Variants in NIPBL observed in about 807,000 individuals in gnomAD.
NIPBL encodes the protein NIPBL cohesin loading factor.
Under a neutral mutation model 321.8 loss-of-function variants are expected in NIPBL, and 19 were observed. The ratio of observed to expected loss-of-function variants is 0.06; its 90% CI spans 0.04 to 0.09. The LOEUF (loss-of-function observed/expected upper bound fraction) is 0.09. NIPBL is among the 10% of genes least tolerant of loss of function. The probability of loss-of-function intolerance (pLI) is 1.00; values close to 1 mark genes in which losing one functional copy is unlikely to be tolerated. For synonymous variants in NIPBL, 1,106 were observed against 1,114.1 expected, an observed-to-expected ratio of 0.99 and a Z score of 0.14; for missense variants, 2,210 against 3,327.0, an observed-to-expected ratio of 0.66 and a Z score of 8.26.
intron 32 of NIPBL, 43 bp from the exon 33 acceptor site, chr5:37,036,336 T>C (rs1751677567): frequency 8.7e-6 from 4 of 461,478 alleles, no homozygotes; most frequent in Non-Finnish European, 1.2e-5. Context: ...TTCTTTTTTG[T>C]ATATATATAT....
rs1255757484 is a variant in NIPBL at position 36,877,148 on chromosome 5, T to G, written c.-110T>G. 3.6e-6 allele frequency: 1 copy of G among 276,818 alleles called. No homozygotes were observed. The highest frequency in any genetic ancestry group is 6.6e-6 in the Non-Finnish European group (1 of 151,644). 17.1% of individuals were successfully genotyped at this position (276,818 alleles called of 1,614,324 possible). A position where few individuals can be genotyped will look rare whatever the true frequency, so the allele number is the denominator to read the frequency against. ...GTCTCTCGCCACAGCGGCCTCGGCC[T>G]CCCCTTGGATTCAGACGCCGATTCG... On this transcript the variant is annotated 5_prime_UTR_variant, in exon 1 of 47. Transcript: ENST00000282516.
At chr5:36,967,630 G>A (rs1742353849) in intron 6 of NIPBL, among the ~76,000 whole-genome samples, 3 of 152,162 alleles carry the variant, frequency 2.0e-5, no homozygotes, top group Non-Finnish European at 4.4e-5. Flanking sequence ...TTCATGTCCT[G>A]TTCCCGAATT....
rs201410435 is a variant in NIPBL at position 36,915,519 on chromosome 5, C to T, written c.-79-38099C>T. Reference sequence around the variant, plus strand: ...GTACAGATTCAACAGTCTGTTATACCCCTGTAATTCCTGATTGGAGTTTTG... The same window carrying T: ...GTACAGATTCAACAGTCTGTTATACTCCTGTAATTCCTGATTGGAGTTTTG... On this transcript the variant is annotated intron_variant, in intron 1 of 46. Coordinates refer to ENST00000282516, the MANE Select transcript of NIPBL (RefSeq NM_133433.4). Among the ~76,000 whole-genome samples the T allele has an allele frequency of 1.4e-4, 21 of 152,080 alleles. No homozygotes were observed. The East Asian group carries it at 3.3e-3, about 24-fold the overall frequency.
intron 42 of NIPBL, among the ~76,000 whole-genome samples, chr5:37,053,260 A>G (rs937880868): frequency 1.3e-5 from 2 of 152,174 alleles, no homozygotes; most frequent in African/African-American, 4.8e-5. Flanking sequence ...AATACTGTAG[A>G]TAACTATAAC....
intron 1 of NIPBL, among the ~76,000 whole-genome samples, chr5:36,923,583 T>C (rs72734688): frequency 0.017 from 2,657 of 152,278 alleles, 33 homozygotes; most frequent in Middle Eastern, 0.044. Flanking sequence ...CTTTGGTTAT[T>C]TACTTTACAA....
chr5:36,886,944 A>G (rs901178670), intron 1 of NIPBL, among the ~76,000 whole-genome samples: 7 of 152,136 alleles, frequency 4.6e-5, no homozygotes, highest in African/African-American at 1.2e-4. Flanking sequence ...TAGTTTGTCA[A>G]TGACTGAAGT....
intron 21 of NIPBL, 59 bp from the exon 22 acceptor site, chr5:37,014,624 G>A (rs1748713112): frequency 1.0e-6 from 1 of 991,866 alleles, no homozygotes; most frequent in Non-Finnish European, 1.6e-6. Context: ...CATGACAATA[G>A]CAACAGGGCT....
Position 37,049,206 on chromosome 5 carries a change from C to T in NIPBL, c.6859C>T (p.Leu2287Phe). The T allele has an allele frequency of 2.5e-6, 4 of 1,614,046 alleles. No homozygotes were observed. The highest frequency in any genetic ancestry group is 3.4e-6 in the Non-Finnish European group (4 of 1,179,924). Residue 2287 changes from leucine (L) to phenylalanine (F), a missense_variant, in exon 40 of 47, where the codon CTT becomes TTT. Coordinates refer to ENST00000282516, the MANE Select transcript of NIPBL (RefSeq NM_133433.4). Reference sequence around the variant, plus strand: ...CATGCAGCTTTATCTCAAACAGGTGCTTGAGGCATTTTTTCACACCCAGTC... The same window carrying T: ...CATGCAGCTTTATCTCAAACAGGTGTTTGAGGCATTTTTTCACACCCAGTC... ...SIMQLYLKQV[L>F]EAFFHTQSSV...
At chr5:36,883,906 A>G (rs1580137437) in intron 1 of NIPBL, among the ~76,000 whole-genome samples, 1 of 151,506 alleles carries the variant, frequency 6.6e-6, no homozygotes, top group South Asian at 2.1e-4. Flanking sequence ...ATTTTTTATT[A>G]ATACTATTCT....
At chr5:36,909,892 G>A (rs1264800802) in intron 1 of NIPBL, among the ~76,000 whole-genome samples, 1 of 152,016 alleles carries the variant, frequency 6.6e-6, no homozygotes, top group African/African-American at 2.4e-5. Flanking sequence ...CCTGGCCAAC[G>A]TGGTGAAACC....
chr5:37,023,232 G>A (rs1749856397), intron 29 of NIPBL, among the ~76,000 whole-genome samples: 1 of 152,118 alleles, frequency 6.6e-6, no homozygotes, highest in Non-Finnish European at 1.5e-5. Context: ...TTCCTTCTTA[G>A]GGCTTCCATC....
At position 37,006,389 on chromosome 5, in the gene NIPBL, G is replaced by C. The variant is rs1390859018; in HGVS notation, c.3888G>C (p.Trp1296Cys). Residue 1296 changes from tryptophan to cysteine, a missense_variant, in exon 17 of 47, where the codon TGG becomes TGC. Coordinates refer to ENST00000282516, the MANE Select transcript of NIPBL (RefSeq NM_133433.4). ...ATACTGAAGAAGAAGAAAGGTTATG[G>C]AGAGACCTTATTATGGAGAGAGTTA... ...NNDTEEEERL[W>C]RDLIMERVTK... is the part of the protein sequence containing the mutation. The C allele has an allele frequency of 6.2e-7, 1 of 1,606,838 alleles. No homozygotes were observed. Among genetic ancestry groups the C allele is most frequent in the Non-Finnish European group, 8.5e-7 (1 of 1,173,754 alleles).
At chr5:36,992,247 A>G (rs866048524) in intron 10 of NIPBL, among the ~76,000 whole-genome samples, 5 of 152,190 alleles carry the variant, frequency 3.3e-5, no homozygotes, top group Admixed American at 6.5e-5. Flanking sequence ...AGTAGTTAGG[A>G]CAAAAGAAAT....
At chr5:36,972,412 C>G (rs924526691) in intron 8 of NIPBL, among the ~76,000 whole-genome samples, 1 of 151,968 alleles carries the variant, frequency 6.6e-6, no homozygotes, top group African/African-American at 2.4e-5. Flanking sequence ...TGTTTTTCTC[C>G]CACTTCTTTC....
chr5:36,890,966 G>T (rs1480802529), intron 1 of NIPBL, among the ~76,000 whole-genome samples: 2 of 152,044 alleles, frequency 1.3e-5, no homozygotes, highest in Non-Finnish European at 2.9e-5. Context: ...ATTGCAGATG[G>T]TGAAATAAAA....
rs1473924179 is a variant in NIPBL at position 37,026,316 on chromosome 5, A to G, written c.5797A>G (p.Ile1933Val). The G allele has an allele frequency of 6.2e-7, 1 of 1,600,766 alleles. No homozygotes were observed. The highest frequency in any genetic ancestry group is 8.6e-7 in the Non-Finnish European group (1 of 1,168,462). ...AGCAATGACAAGGAAAATTTTAAACATTACCGATGTGGTAAGAAGGACTGG... is the reference window on the plus strand; with the variant it reads ...AGCAATGACAAGGAAAATTTTAAACGTTACCGATGTGGTAAGAAGGACTGG... ...KEAMTRKILN[I>V]TDVVAACRDT... Residue 1933 changes from isoleucine (I) to valine (V), a missense_variant, in exon 31 of 47, where the codon ATT (isoleucine) becomes GTT (valine). By Grantham distance (29) the Ile-to-Val change is conservative (BLOSUM62 3). Coordinates refer to ENST00000282516, the MANE Select transcript of NIPBL (RefSeq NM_133433.4).
chr5:37,027,316 T>TTATAAATATACTTCTC, intron 31 of NIPBL, 43 bp from the exon 32 acceptor site: 1 of 1,395,432 alleles, frequency 7.2e-7, no homozygotes, highest in Non-Finnish European at 1.0e-6. Context: ...TTATTCACAT[T>TTATAAATATACTTCTC]TATAAATATA....
chr5:36,920,185 T>C (rs765614724), intron 1 of NIPBL, among the ~76,000 whole-genome samples: 1 of 152,194 alleles, frequency 6.6e-6, no homozygotes, highest in Non-Finnish European at 1.5e-5. Flanking sequence ...CAAATGCATA[T>C]GTTTTCAGAG....
At chr5:36,933,604 A>G (rs1428918803) in intron 1 of NIPBL, among the ~76,000 whole-genome samples, 1 of 152,080 alleles carries the variant, frequency 6.6e-6, no homozygotes, top group Non-Finnish European at 1.5e-5. Context: ...TCTAATGGTA[A>G]TTTTTGATCA....
Sources: gnomAD v4.1 joint callset for allele counts (sites outside exome capture counted in the v4.1 genomes callset) on GRCh38, gnomAD v4.1.1 for gene constraint, MANE v1.5 for transcripts, NCBI Gene and HGNC (gene_info 2026-07-23, HGNC 2026-07-21) for gene names.